Variants in IGSF10 observed in about 807,000 individuals in gnomAD.
IGSF10 encodes calvaria mechanical force protein 608.
A neutral mutation model predicts 128.2 loss-of-function variants in IGSF10; 126 were observed. The observed-to-expected ratio is 0.98, with a 90% CI of 0.85 to 1.14. IGSF10 has a LOEUF of 1.14. Among genes scored for constraint, IGSF10 ranks in the 50% most tolerant of loss-of-function variants. The pLI is 0.00. For synonymous variants in IGSF10, 1,185 were observed against 1,146.2 expected, an observed-to-expected ratio of 1.03 and a Z score of -0.68; for missense variants, 3,295 against 3,149.8, an observed-to-expected ratio of 1.05 and a Z score of -1.10.
the IGSF10 span, among the ~76,000 whole-genome samples, chr3:151,616,792 C>T: frequency 1.3e-5 from 2 of 152,172 alleles, no homozygotes; most frequent in East Asian, 3.8e-4. Flanking sequence ...GCGTCTTATT[C>T]TGTTTTCTGT....
At chr3:151,438,777 G>GTA (rs3975346) in intron 7 of IGSF10, among the ~76,000 whole-genome samples, 180 bp from the exon 8 acceptor site, 4,258 of 150,778 alleles carry the variant, frequency 0.028, 187 homozygotes, top group African/African-American at 0.096. Context: ...AGGTGTGTGT[G>GTA]TATATATATA....
chr3:151,570,527 T>C, the IGSF10 span, among the ~76,000 whole-genome samples: 1 of 152,254 alleles, frequency 6.6e-6, no homozygotes, highest in Non-Finnish European at 1.5e-5. Flanking sequence ...GCTGTATAAA[T>C]GTCTTCTTTT....
At position 151,445,772 on chromosome 3, in the gene IGSF10, C is replaced by T. The variant is rs762019857; in HGVS notation, c.4209G>A (p.Gly1403=). The stretch of plus-strand genomic sequence containing the variant: ...AATGAAAACTGATTGTGCTTGAAAT[C>T]CCAGTTGTGTTTTCTGGTGGGGAAT... ...FTHSPPENTT[G]ISSTISFHSR... is the part of the protein sequence containing the mutation. Residue 1403 remains glycine (G), a synonymous_variant, in exon 6 of 8, where the codon GGG becomes GGA. Coordinates refer to ENST00000282466, the MANE Select transcript of IGSF10 (RefSeq NM_178822.5). The T allele has an allele frequency of 6.2e-7, 1 of 1,614,198 alleles. No individual in the cohort carries two copies. The highest frequency in any genetic ancestry group is 2.2e-5 in the East Asian group (1 of 44,878).
the IGSF10 span, among the ~76,000 whole-genome samples, chr3:151,508,782 A>G: frequency 6.6e-6 from 1 of 152,200 alleles, no homozygotes. Flanking sequence ...GTTAAGTTAC[A>G]TGGGAAGCAC....
chr3:151,484,337 G>C, the IGSF10 span, among the ~76,000 whole-genome samples: 5 of 152,162 alleles, frequency 3.3e-5, no homozygotes, highest in Admixed American at 6.5e-5. Flanking sequence ...ACCTCCCTGG[G>C]ACACAGCACA....
In IGSF10 at chr3:151,443,505, G is replaced by A. The variant is rs759152844; in HGVS notation, c.5442C>T (p.Asp1814=). 6.2e-7 allele frequency: 1 copy of A among 1,614,216 alleles called. No individual in the cohort carries two copies. Among genetic ancestry groups the A allele is most frequent in the East Asian group, 2.2e-5 (1 of 44,892 alleles). The stretch of plus-strand genomic sequence containing the variant: ...TGGCCACACATTTGTAAAAGCCACG[G>A]TCATAAATACTGAGATTGTGGAGGA... ...TLVLHNLSIY[D]RGFYKCVASN... Residue 1814 remains aspartate (D), a synonymous_variant, in exon 7 of 8, where the codon GAC becomes GAT. Transcript: ENST00000282466.
At chr3:151,601,740 C>G in the IGSF10 span, among the ~76,000 whole-genome samples, 5 of 152,198 alleles carry the variant, frequency 3.3e-5, no homozygotes, top group Non-Finnish European at 5.9e-5. Flanking sequence ...TACACATGCA[C>G]TTTGGTAAAT....
chr3:151,443,316 G>A lies in IGSF10; in HGVS notation c.5631C>T (p.Val1877=). The change falls in exon 7 of 8, where the codon GTC becomes GTT. Residue 1877 remains valine, a synonymous_variant. Coordinates refer to ENST00000282466, the MANE Select transcript of IGSF10 (RefSeq NM_178822.5). ...GTTTCACTTCAGTGCCATCAGAGAGGACCCAGTAAACGCTGGGCTGAGGAG... is the reference window on the plus strand; with the variant it reads ...GTTTCACTTCAGTGCCATCAGAGAGAACCCAGTAAACGCTGGGCTGAGGAG... The part of the protein sequence containing the change: ...KGTPQPSVYW[V]LSDGTEVKPL... 1 of 1,614,118 alleles carries A rather than the reference G, an allele frequency of 6.2e-7. No individual in the cohort carries two copies. Among genetic ancestry groups the A allele is most frequent in the African/African-American group, 1.3e-5 (1 of 75,058 alleles).
intron 4 of IGSF10, 134 bp from the exon 5 acceptor site, chr3:151,453,908 A>G (rs1161950822): frequency 9.3e-6 from 5 of 539,756 alleles, no homozygotes; most frequent in Non-Finnish European, 1.6e-5. Flanking sequence ...TCCCAATTCA[A>G]TCAAATTCAT....
chr3:151,491,997 A>AAAT, the IGSF10 span, among the ~76,000 whole-genome samples: 2 of 151,782 alleles, frequency 1.3e-5, no homozygotes, highest in South Asian at 2.1e-4. Flanking sequence ...CACAAAAGCA[A>AAAT]AAATAAATGA....
downstream of IGSF10, chr3:151,433,057 G>A (rs1380886477): frequency 3.6e-5 from 15 of 414,542 alleles, 1 homozygote; most frequent in East Asian, 8.4e-5. Flanking sequence ...GCCTACTCCC[G>A]GAAGAGTGTG....
chr3:151,532,304 G>A, the IGSF10 span, among the ~76,000 whole-genome samples: 4 of 152,116 alleles, frequency 2.6e-5, no homozygotes, highest in South Asian at 8.3e-4. Flanking sequence ...CCATAGAAAA[G>A]GAGGGAATCC....
rs147782448 is a variant in IGSF10 at position 151,453,746 on chromosome 3, C to T, written c.353G>A (p.Arg118Gln). ...ATAAAAAGTATCTTTCTGAAGTTTT[C>T]GGACTTTATTATAGCTCATTTTTAA... ...QVLKMSYNKV[R>Q]KLQKDTFYGL... is the part of the protein sequence containing the mutation. The change falls in exon 5 of 8, where the codon CGA (arginine) becomes CAA (glutamine). Residue 118 changes from arginine (R) to glutamine (Q), a missense_variant. By Grantham distance (43) the Arg-to-Gln change is conservative. Transcript: ENST00000282466. The T allele has an allele frequency of 8.4e-4, 1,317 of 1,575,504 alleles. 4 individuals are homozygous for T. The highest frequency in any genetic ancestry group is 3.4e-3 in the Middle Eastern group (20 of 5,900).
the IGSF10 span, among the ~76,000 whole-genome samples, chr3:151,589,076 T>C: frequency 2.8e-3 from 424 of 152,284 alleles, 1 homozygote; most frequent in Admixed American, 5.3e-3. Context: ...ATAAATGACA[T>C]ATAAATTAAC....
At chr3:151,538,247 C>G in the IGSF10 span, among the ~76,000 whole-genome samples, 8 of 152,114 alleles carry the variant, frequency 5.3e-5, no homozygotes, top group Non-Finnish European at 1.2e-4. Context: ...CACCATAACA[C>G]CAGAAACACA....
At position 151,438,514 on chromosome 3, in the gene IGSF10, C is replaced by T. The variant is rs1222509675; in HGVS notation, c.6047G>A (p.Cys2016Tyr). 1 of 1,613,946 alleles carries T rather than the reference C, an allele frequency of 6.2e-7. No individual in the cohort carries two copies. Among genetic ancestry groups the T allele is most frequent in the Non-Finnish European group, 8.5e-7 (1 of 1,180,038 alleles). Reference protein sequence around the residue: ...VTEKDSGVYLCVARNKMGDDL... With the variant: ...VTEKDSGVYLYVARNKMGDDL... ...ATCCCCCATTTTGTTTCTTGCCACA[C>T]ACAAGTAGACACCACTGTCTTTTTC... is the stretch of plus-strand genomic sequence containing the variant. The change falls in exon 8 of 8, where the codon TGT (cysteine) becomes TAT (tyrosine). Residue 2016 changes from cysteine to tyrosine, a missense_variant. Physicochemically the swap from Cys to Tyr is radical, Grantham distance 194 (BLOSUM62 -2). Transcript: ENST00000282466.
chr3:151,437,608 TC>T lies in IGSF10; in HGVS notation c.6952del (p.Glu2318LysfsTer8). The T allele has an allele frequency of 6.2e-7, 1 of 1,614,206 alleles. No individual in the cohort carries two copies. Among genetic ancestry groups the T allele is most frequent in the Admixed American group, 1.7e-5 (1 of 60,028 alleles). On this transcript the variant is annotated frameshift_variant, in exon 8 of 8. Coordinates refer to ENST00000282466, the MANE Select transcript of IGSF10 (RefSeq NM_178822.5). LOFTEE classifies it low-confidence loss of function (END_TRUNC). ...TACTACCAACACGCTCTCTCCACCT[TC>T]ATTTCGGGCCACACAGATAAAGTCG... is the stretch of plus-strand genomic sequence containing the variant. The part of the protein sequence containing the change: ...SADFICVARN[E>X]GGESVLVVQL...
At chr3:151,536,825 G>A in the IGSF10 span, among the ~76,000 whole-genome samples, 1 of 152,106 alleles carries the variant, frequency 6.6e-6, no homozygotes, top group Admixed American at 6.6e-5. Flanking sequence ...CATTAACTAT[G>A]TGAACTACTT....
chr3:151,487,032 T>G, the IGSF10 span, among the ~76,000 whole-genome samples: 1 of 151,248 alleles, frequency 6.6e-6, no homozygotes, highest in Non-Finnish European at 1.5e-5. Flanking sequence ...CAAAAAAAAA[T>G]TAATGAATCC....
Sources: gnomAD v4.1 joint callset for allele counts (sites outside exome capture counted in the v4.1 genomes callset) on GRCh38, gnomAD v4.1.1 for gene constraint, MANE v1.5 for transcripts, NCBI Gene and HGNC (gene_info 2026-07-23, HGNC 2026-07-21) for gene names.